SLC45A2: variants seen among roughly 807,000 people sequenced by gnomAD.
SLC45A2 encodes the protein solute carrier family 45 member 2, also known as membrane-associated transporter protein.
Under a neutral mutation model 45.5 loss-of-function variants are expected in SLC45A2, and 36 were observed. The observed-to-expected ratio is 0.79, with a 90% CI of 0.61 to 1.04. The LOEUF (loss-of-function observed/expected upper bound fraction) is 1.04, where lower values mean the gene tolerates loss of function less well. SLC45A2 is among the 50% of genes least tolerant of loss of function. The pLI is 0.00. For synonymous variants in SLC45A2, 306 were observed against 269.3 expected (o/e 1.14, Z -1.33); for missense variants, 719 against 671.0 (o/e 1.07, Z -0.79).
At chr5:33,961,791 T>A (rs765132413) in intron 3 of SLC45A2, among the ~76,000 whole-genome samples, 6 of 152,204 alleles carry the variant, frequency 3.9e-5, no homozygotes, top group African/African-American at 1.4e-4. Flanking sequence ...TACCTGTTCC[T>A]GCCAAAGTTA....
intron 1 of SLC45A2, 123 bp downstream of exon 1, chr5:33,984,075 TA>T: frequency 7.2e-7 from 1 of 1,387,524 alleles, no homozygotes; most frequent in Non-Finnish European, 9.9e-7. Context: ...AAGTTCATTG[TA>T]ACCTAGGAGA....
intron 2 of SLC45A2, 22 bp from the exon 3 acceptor site, chr5:33,964,038 G>A: frequency 1.2e-6 from 2 of 1,611,234 alleles, no homozygotes; most frequent in African/African-American, 1.3e-5. Flanking sequence ...GAAAAGCTAT[G>A]TTAGCATATT....
chr5:33,971,294 G>T, intron 2 of SLC45A2: 1 of 523,300 alleles, frequency 1.9e-6, no homozygotes, highest in South Asian at 1.4e-5. Flanking sequence ...TGTGGGAATT[G>T]AGGGGTTACC....
In SLC45A2 at chr5:33,963,944, C is replaced by G; in HGVS notation, c.635G>C (p.Gly212Ala). Residue 212 changes from glycine (G) to alanine (A), a missense_variant, in exon 3 of 7, where the codon GGT becomes GCT. Coordinates refer to ENST00000296589, the MANE Select transcript of SLC45A2 (RefSeq NM_016180.5). ...WAHLELGRLL[G>A]TEFQVMFFFS... ...GAAGAACATGACCTGGAATTCTGTA[C>G]CCAACAGTCTTCCCAGCTCCAGATG... 6.2e-7 allele frequency: 1 copy of G among 1,614,116 alleles called. No individual in the cohort carries two copies. Among genetic ancestry groups the G allele is most frequent in the Non-Finnish European group, 8.5e-7 (1 of 1,179,998 alleles).
chr5:33,947,836 A>G (rs1751985066), intron 5 of SLC45A2, among the ~76,000 whole-genome samples: 1 of 152,206 alleles, frequency 6.6e-6, no homozygotes, highest in South Asian at 2.1e-4. Flanking sequence ...AAATTTACAG[A>G]ATGATCTAAG....
chr5:33,962,217 T>C (rs1247581617), intron 3 of SLC45A2, among the ~76,000 whole-genome samples: 2 of 152,230 alleles, frequency 1.3e-5, no homozygotes, highest in African/African-American at 4.8e-5. Context: ...ATGCCACGTG[T>C]TAGGCTGCAA....
intron 3 of SLC45A2, among the ~76,000 whole-genome samples, chr5:33,961,519 TC>T (rs1752454294): frequency 6.6e-6 from 1 of 152,166 alleles, no homozygotes; most frequent in South Asian, 2.1e-4. Flanking sequence ...GAAGTACTTT[TC>T]CCCCAAAATC....
Position 33,954,616 on chromosome 5 carries a change from G to A in SLC45A2, c.889-112C>T, listed in dbSNP as rs1013526105. 12 of 1,466,670 alleles carry A rather than the reference G, an allele frequency of 8.2e-6. No individual in the cohort carries two copies. The African/African-American group carries it at 1.4e-4, about 17-fold the overall frequency. 90.9% of individuals were successfully genotyped at this position (1,466,670 alleles called of 1,614,324 possible). ...ATTTGTCAGTCAGCCATCACACAAA[G>A]TGTCACTTTTCCTGGACATGGAACT... On this transcript the variant is annotated intron_variant, in intron 3 of 6. Coordinates refer to ENST00000296589, the MANE Select transcript of SLC45A2 (RefSeq NM_016180.5).
At chr5:33,966,683 T>C (rs1417385627) in intron 2 of SLC45A2, among the ~76,000 whole-genome samples, 1 of 152,108 alleles carries the variant, frequency 6.6e-6, no homozygotes, top group African/African-American at 2.4e-5. Flanking sequence ...AAAGAGTCAT[T>C]ATTGGTGCTA....
chr5:33,960,417 T>A (rs1007383288), intron 3 of SLC45A2, among the ~76,000 whole-genome samples: 2 of 152,000 alleles, frequency 1.3e-5, no homozygotes, highest in African/African-American at 4.8e-5. Context: ...TATGATGGAA[T>A]ACTACTCAGC....
At chr5:33,962,430 T>C (rs1246867681) in intron 3 of SLC45A2, among the ~76,000 whole-genome samples, 1 of 152,228 alleles carries the variant, frequency 6.6e-6, no homozygotes, top group Non-Finnish European at 1.5e-5. Context: ...GAAAATAGAC[T>C]GGCCAAGCCA....
chr5:33,970,419 G>A (rs1362174859), intron 2 of SLC45A2, among the ~76,000 whole-genome samples: 2 of 152,244 alleles, frequency 1.3e-5, no homozygotes, highest in Admixed American at 6.5e-5. Context: ...TGTTTGGCCT[G>A]TTCCTGTCCA....
intron 3 of SLC45A2, 146 bp from the exon 4 acceptor site, chr5:33,954,650 A>G: frequency 8.5e-6 from 10 of 1,174,184 alleles, no homozygotes; most frequent in Non-Finnish European, 1.2e-5. Context: ...CTAGGTTTCC[A>G]TGGAGTAGAC....
intron 6 of SLC45A2, chr5:33,946,860 T>C (rs982499614): frequency 1.8e-5 from 25 of 1,351,426 alleles, no homozygotes; most frequent in Non-Finnish European, 2.4e-5. Context: ...CTTTGTGTAA[T>C]TGTGGGCTGG....
At chr5:33,946,199 C>T (rs750854361) in intron 6 of SLC45A2, 265 of 985,334 alleles carry the variant, frequency 2.7e-4, no homozygotes, top group Non-Finnish European at 2.5e-4. Flanking sequence ...TTTATGATGA[C>T]TCTCCCATTA....
chr5:33,984,639 GTC>G lies in SLC45A2; in HGVS notation c.-58_-57del. ...CCACCACCTCCTGCGTGGTCCTAGG[GTC>G]TGTGTTTCAAACTGGATTTGACGTG... On this transcript the variant is annotated 5_prime_UTR_variant, in exon 1 of 7. Transcript: ENST00000296589. 1 of 1,599,944 alleles carries G rather than the reference GTC, an allele frequency of 6.3e-7. No homozygotes were observed. The highest frequency in any genetic ancestry group is 8.5e-7 in the Non-Finnish European group (1 of 1,179,468).
chr5:33,947,464 T>A lies in SLC45A2; in HGVS notation c.1157-90A>T. ...CAATCCTTTCTTCTGAAGATTCACC[T>A]TTTTAGACATCCTTTGATACTGAGC... On this transcript the variant is annotated intron_variant, in intron 5 of 6. Transcript: ENST00000296589. The A allele has an allele frequency of 3.3e-6, 4 of 1,195,690 alleles. No individual in the cohort carries two copies. In the South Asian group the frequency reaches 3.8e-5, roughly 11 times the overall value. 74.1% of individuals were successfully genotyped at this position (1,195,690 alleles called of 1,614,324 possible).
At position 33,947,282 on chromosome 5, in the gene SLC45A2, G is replaced by A. The variant is rs1361457938; in HGVS notation, c.1249C>T (p.Leu417Phe). 11 of 1,614,084 alleles carry A rather than the reference G, an allele frequency of 6.8e-6. No homozygotes were observed. Among genetic ancestry groups the A allele is most frequent in the East Asian group, 2.2e-5 (1 of 44,892 alleles). Reference protein sequence around the residue: ...LFGLGTGFIGLFPNVYSTLVL... With the variant: ...LFGLGTGFIGFFPNVYSTLVL... ...AGGGTGGAGTAGACATTCGGGAAGAGCCCAATAAATCCCGTCCCCAGGCCA... is the reference window on the plus strand; with the variant it reads ...AGGGTGGAGTAGACATTCGGGAAGAACCCAATAAATCCCGTCCCCAGGCCA... The change falls in exon 6 of 7, where the codon CTC (leucine) becomes TTC (phenylalanine). Residue 417 changes from leucine to phenylalanine, a missense_variant. Physicochemically the swap from Leu to Phe is conservative, Grantham distance 22. Transcript: ENST00000296589.
At chr5:33,954,265 G>C in intron 4 of SLC45A2, 96 bp downstream of exon 4, 1 of 1,544,330 alleles carries the variant, frequency 6.5e-7, no homozygotes, top group Non-Finnish European at 8.9e-7. Flanking sequence ...CATTCTTACT[G>C]TGCCAATCTT....
Sources: gnomAD v4.1 joint callset for allele counts (sites outside exome capture counted in the v4.1 genomes callset) on GRCh38, gnomAD v4.1.1 for gene constraint, MANE v1.5 for transcripts, NCBI Gene and HGNC (gene_info 2026-07-23, HGNC 2026-07-21) for gene names.